BMPR1B: variants seen among roughly 807,000 people sequenced by gnomAD.
The protein encoded by BMPR1B is bone morphogenetic protein receptor type-1B.
A neutral mutation model predicts 59.1 loss-of-function variants in BMPR1B; 12 were observed. The ratio of observed to expected loss-of-function variants is 0.20; its 90% CI spans 0.13 to 0.33. The LOEUF is 0.33. BMPR1B is among the 10% of genes least tolerant of loss of function. The pLI is 1.00. For missense variants in BMPR1B, 550 were observed against 610.9 expected, an observed-to-expected ratio of 0.90 and a Z score of 1.05; for synonymous variants, 237 against 207.3, an observed-to-expected ratio of 1.14 and a Z score of -1.23.
chr4:94,776,134 G>A (rs547463758), intron 1 of BMPR1B, among the ~76,000 whole-genome samples: 1 of 148,788 alleles, frequency 6.7e-6, no homozygotes, highest in East Asian at 2.0e-4. Flanking sequence ...CTTTTTTCTT[G>A]GAAAGTCTTA....
At chr4:94,861,850 A>T (rs2148957303) in intron 1 of BMPR1B, among the ~76,000 whole-genome samples, 1 of 152,220 alleles carries the variant, frequency 6.6e-6, no homozygotes, top group South Asian at 2.1e-4. Flanking sequence ...TAGTTAATAG[A>T]ATGGAAGTAA....
intron 3 of BMPR1B, among the ~76,000 whole-genome samples, chr4:95,028,648 TCTTTA>T (rs1444332501): frequency 1.3e-5 from 2 of 152,292 alleles, no homozygotes; most frequent in Non-Finnish European, 2.9e-5. Context: ...AATTGCTATC[TCTTTA>T]CTTCTAAGGA....
chr4:95,008,124 T>G (rs1722977261), intron 3 of BMPR1B, among the ~76,000 whole-genome samples: 1 of 152,172 alleles, frequency 6.6e-6, no homozygotes, highest in Admixed American at 6.5e-5. Context: ...TTTAATAAGC[T>G]GTGTTGGTAT....
In BMPR1B at chr4:94,996,049, T is replaced by G. The variant is rs1722033161; in HGVS notation, c.-103T>G. The G allele has an allele frequency of 1.3e-5, 2 of 152,186 alleles. No individual in the cohort carries two copies. Among genetic ancestry groups the G allele is most frequent in the Admixed American group, 1.3e-4 (2 of 15,270 alleles). 9.4% of individuals were successfully genotyped at this position (152,186 alleles called of 1,614,324 possible). A position where few individuals can be genotyped will look rare whatever the true frequency, so the allele number is the denominator to read the frequency against. On this transcript the variant is annotated 5_prime_UTR_variant, in exon 3 of 13. Coordinates refer to ENST00000515059, the MANE Select transcript of BMPR1B (RefSeq NM_001203.3). ...TCTTTCTAACTGTCAGGTTCAGACT[T>G]CTGCTGATTCATAACCATTTGGCTC...
chr4:94,903,998 T>C (rs894182959), intron 2 of BMPR1B, among the ~76,000 whole-genome samples: 1 of 152,058 alleles, frequency 6.6e-6, no homozygotes, highest in Non-Finnish European at 1.5e-5. Flanking sequence ...TGAATAAATA[T>C]GTACACATCC....
intron 10 of BMPR1B, among the ~76,000 whole-genome samples, chr4:95,143,371 TCCTTGG>T (rs1245669465): frequency 5.9e-5 from 9 of 152,198 alleles, no homozygotes; most frequent in Admixed American, 5.9e-4. Context: ...CATCACCCCC[TCCTTGG>T]TATGTCCTTC....
rs557165155 is a variant in BMPR1B, at chr4:94,946,711, T to G, written c.-112-49329T>G. ...GGTAAATATTCTATTCCCTTTCAGT[T>G]GCTGTATTTGGAGGTAAACCTTGTA... On this transcript the variant is annotated intron_variant, in intron 2 of 12. Transcript: ENST00000515059. Among the ~76,000 whole-genome samples, 5 of 152,278 alleles carry G rather than the reference T, an allele frequency of 3.3e-5. No homozygotes were observed. The South Asian group carries it at 1.0e-3, about 32-fold the overall frequency.
intron 2 of BMPR1B, among the ~76,000 whole-genome samples, chr4:94,958,959 G>C (rs996318854): frequency 6.6e-6 from 1 of 152,058 alleles, no homozygotes; most frequent in Non-Finnish European, 1.5e-5. Context: ...ATCTTGATTT[G>C]GAATGAGCAT....
chr4:94,779,863 CTTATATTCCTAATATACTGTTTTATT>C (rs1300785067), intron 1 of BMPR1B, among the ~76,000 whole-genome samples: 1 of 151,826 alleles, frequency 6.6e-6, no homozygotes, highest in African/African-American at 2.4e-5. Context: ...AGGATGTTCT[CTTATATTCCTAATATACTGTTTTATT>C]TTATATTCAT....
At chr4:94,873,371 GCTTTGACAAATCTTACCCATA>G (rs1449999170) in intron 1 of BMPR1B, among the ~76,000 whole-genome samples, 1 of 149,976 alleles carries the variant, frequency 6.7e-6, no homozygotes, top group Non-Finnish European at 1.5e-5. Context: ...CTCTATTTCT[GCTTTGACAAATCTTACCCATA>G]CTTCAAGGCT....
chr4:95,124,327 TTATTA>T (rs759485283), intron 7 of BMPR1B, among the ~76,000 whole-genome samples: 26 of 152,072 alleles, frequency 1.7e-4, no homozygotes, highest in Non-Finnish European at 3.2e-4. Context: ...ATAAGGTCCT[TTATTA>T]TATTAAATTC....
At chr4:95,013,927 A>G (rs1030835268) in intron 3 of BMPR1B, among the ~76,000 whole-genome samples, 5 of 152,086 alleles carry the variant, frequency 3.3e-5, no homozygotes, top group Non-Finnish European at 5.9e-5. Context: ...TAAAATAAAG[A>G]TGTTTATTAC....
At chr4:95,054,592 A>G (rs1408283312) in intron 3 of BMPR1B, among the ~76,000 whole-genome samples, 1 of 152,182 alleles carries the variant, frequency 6.6e-6, no homozygotes, top group African/African-American at 2.4e-5. Context: ...TACTTGTACT[A>G]TCCTACCCCT....
In BMPR1B at chr4:94,985,509, CTGTGTGTGTGTGTGTGTG is replaced by C. The variant is rs60003954; in HGVS notation, c.-112-10499_-112-10482del. Reference sequence around the variant, plus strand: ...AACACCAGAGAAACCAAAATAAGAGCTGTGTGTGTGTGTGTGTGTGTGTGTGTGTGTGTGTGTGTGTGT... The same window carrying C: ...AACACCAGAGAAACCAAAATAAGAGCTGTGTGTGTGTGTGTGTGTGTGTGT... On this transcript the variant is annotated intron_variant, in intron 2 of 12. Coordinates refer to ENST00000515059, the MANE Select transcript of BMPR1B (RefSeq NM_001203.3). 1.0e-3 allele frequency among the ~76,000 whole-genome samples: 141 copies of C among 138,874 alleles called. 1 individual carries two copies. Among genetic ancestry groups the C allele is most frequent in the African/African-American group, 3.0e-3 (113 of 38,022 alleles). The allele number at this position is 138,874 out of a possible 152,430, so 91.1% of individuals were successfully genotyped here.
intron 3 of BMPR1B, among the ~76,000 whole-genome samples, chr4:95,014,292 A>G (rs1323431998): frequency 1.3e-5 from 2 of 152,202 alleles, no homozygotes; most frequent in East Asian, 1.9e-4. Flanking sequence ...TCAGCATCCA[A>G]ACTCAGAAGT....
intron 2 of BMPR1B, among the ~76,000 whole-genome samples, chr4:94,940,905 T>A (rs1729485306): frequency 6.6e-6 from 1 of 152,148 alleles, no homozygotes; most frequent in Non-Finnish European, 1.5e-5. Context: ...GCAGAAAAGT[T>A]GTTCTGAATT....
chr4:95,020,957 C>G (rs1032027082), intron 3 of BMPR1B, among the ~76,000 whole-genome samples: 1 of 152,150 alleles, frequency 6.6e-6, no homozygotes, highest in African/African-American at 2.4e-5. Context: ...CTCAAGTGAT[C>G]CTCCTGCCTT....
At chr4:94,806,114 C>T (rs1048449160) in intron 1 of BMPR1B, among the ~76,000 whole-genome samples, 2 of 152,072 alleles carry the variant, frequency 1.3e-5, no homozygotes, top group Non-Finnish European at 2.9e-5. Flanking sequence ...AAGTGTGGTT[C>T]GATTTAGCTT....
chr4:94,938,655 A>G (rs996741351), intron 2 of BMPR1B, among the ~76,000 whole-genome samples: 2 of 152,214 alleles, frequency 1.3e-5, no homozygotes, highest in African/African-American at 4.8e-5. Context: ...GTCAGACCAC[A>G]GAAAACTGTA....
Sources: gnomAD v4.1 joint callset for allele counts (sites outside exome capture counted in the v4.1 genomes callset) on GRCh38, gnomAD v4.1.1 for gene constraint, MANE v1.5 for transcripts, NCBI Gene and HGNC (gene_info 2026-07-23, HGNC 2026-07-21) for gene names.